The following SAMM50 variants were observed in gnomAD, a reference collection of about 807,000 sequenced individuals.
The protein encoded by SAMM50 is sorting and assembly machinery component 50 homolog.
Under a neutral mutation model 66.9 loss-of-function variants are expected in SAMM50, and 47 were observed. That is an observed-to-expected ratio of 0.70 (90% CI 0.56 to 0.90). The LOEUF is 0.90. Ranked by LOEUF, SAMM50 falls within the 40% of genes least tolerant of loss-of-function variation. The pLI is 0.00. For missense variants in SAMM50, 535 were observed against 595.3 expected (o/e 0.90, Z 1.05); for synonymous variants, 191 against 214.1 (o/e 0.89, Z 0.94).
Position 43,956,002 on chromosome 22 carries a change from G to T in SAMM50, c.21+404G>T, listed in dbSNP as rs1385856720. Among the ~76,000 whole-genome samples the T allele has an allele frequency of 2.0e-5, 3 of 152,182 alleles. No homozygotes were observed. In the South Asian group the frequency reaches 6.2e-4, roughly 32 times the overall value. ...GCTCCTAGAGCAACAAGAATCCTTTGAAGTCTTCTAACTCAAACCTATCTA... is the reference window on the plus strand; with the variant it reads ...GCTCCTAGAGCAACAAGAATCCTTTTAAGTCTTCTAACTCAAACCTATCTA... On this transcript the variant is annotated intron_variant, in intron 1 of 14. Coordinates refer to ENST00000350028, the MANE Select transcript of SAMM50 (RefSeq NM_015380.5).
chr22:43,988,908 T>G (rs1603420357), intron 12 of SAMM50: 6 of 461,148 alleles, frequency 1.3e-5, no homozygotes, highest in Middle Eastern at 1.1e-3. Flanking sequence ...TAAATCAAGG[T>G]GTGAAACAAA....
intron 3 of SAMM50, among the ~76,000 whole-genome samples, chr22:43,968,063 CA>C (rs2050182495): frequency 6.6e-6 from 1 of 150,834 alleles, no homozygotes; most frequent in Admixed American, 6.6e-5. Context: ...GTCTGCTAAA[CA>C]TACAAAAAAA....
chr22:43,994,699 C>T (rs1007681569), intron 14 of SAMM50, among the ~76,000 whole-genome samples: 2 of 152,138 alleles, frequency 1.3e-5, no homozygotes, highest in Admixed American at 6.6e-5. Flanking sequence ...GTGGGGTGCA[C>T]AGCAGAAGGT....
At chr22:43,985,853 A>G (rs1318859631) in intron 12 of SAMM50, among the ~76,000 whole-genome samples, 1 of 151,670 alleles carries the variant, frequency 6.6e-6, no homozygotes, top group African/African-American at 2.4e-5. Context: ...GAGAAAGTTT[A>G]TCATCTTAAT....
intron 14 of SAMM50, among the ~76,000 whole-genome samples, chr22:43,991,467 T>C (rs1487049320): frequency 1.3e-5 from 2 of 151,876 alleles, no homozygotes; most frequent in South Asian, 2.1e-4. Context: ...TTTTACCACA[T>C]TGCCCACCCA....
intron 1 of SAMM50, chr22:43,956,976 C>G: frequency 1.6e-6 from 1 of 639,308 alleles, no homozygotes; most frequent in Non-Finnish European, 2.8e-6. Flanking sequence ...CTCTTCCTGC[C>G]ATCTTGGCTC....
At chr22:43,975,976 T>C in intron 7 of SAMM50, 79 bp from the exon 8 acceptor site, 1 of 1,429,340 alleles carries the variant, frequency 7.0e-7, no homozygotes, top group Non-Finnish European at 9.6e-7. Flanking sequence ...TGTTTCATGA[T>C]GCTTCATTCC....
At chr22:43,972,409 C>T (rs2050208555) in intron 5 of SAMM50, 67 bp downstream of exon 5, 2 of 867,676 alleles carry the variant, frequency 2.3e-6, no homozygotes, top group Admixed American at 2.8e-5. Flanking sequence ...ACTATGACTG[C>T]ATTCTAAAAG....
In SAMM50 at chr22:43,976,754, C is replaced by A; in HGVS notation, c.782C>A (p.Ala261Asp). 1.2e-6 allele frequency: 2 copies of A among 1,610,434 alleles called. No individual in the cohort carries two copies. The highest frequency in any genetic ancestry group is 1.7e-6 in the Non-Finnish European group (2 of 1,177,480). ...GHSLKSSLSH[A>D]MVIDSRNSSI... ...CCCCATTCAAATTTCTTTCAGCACGCCATGGTCATCGATTCTCGGAATTCT... is the reference window on the plus strand; with the variant it reads ...CCCCATTCAAATTTCTTTCAGCACGACATGGTCATCGATTCTCGGAATTCT... The change falls in exon 9 of 15, where the codon GCC becomes GAC. Residue 261 changes from alanine (A) to aspartate (D), a missense_variant. By Grantham distance (126) the Ala-to-Asp change is moderately radical. Transcript: ENST00000350028.
rs760084022 is a variant in SAMM50 at position 43,972,860 on chromosome 22, T to C, written c.430-11T>C. On this transcript the variant is annotated splice_polypyrimidine_tract_variant and intron_variant, in intron 5 of 14. Coordinates refer to ENST00000350028, the MANE Select transcript of SAMM50 (RefSeq NM_015380.5). ...GTAGACCACTGCTATTTTTTTTTTT[T>C]CCCCTCCTAGGTACTTGGCCTCAAG... is the stretch of plus-strand genomic sequence containing the variant. 2.1e-5 allele frequency: 31 copies of C among 1,445,516 alleles called. No individual in the cohort carries two copies. The highest frequency in any genetic ancestry group is 1.7e-4 in the Middle Eastern group (1 of 5,736). The allele number at this position is 1,445,516 out of a possible 1,614,324, so 89.5% of individuals were successfully genotyped here.
Position 43,983,861 on chromosome 22 carries a change from C to CT in SAMM50, c.1008-71dup. 1 of 1,068,588 alleles carries CT rather than the reference C, an allele frequency of 9.4e-7. No individual in the cohort carries two copies. The highest frequency in any genetic ancestry group is 1.4e-6 in the Non-Finnish European group (1 of 711,582). The allele number at this position is 1,068,588 out of a possible 1,614,324, so 66.2% of individuals were successfully genotyped here. On this transcript the variant is annotated intron_variant, in intron 11 of 14. Coordinates refer to ENST00000350028, the MANE Select transcript of SAMM50 (RefSeq NM_015380.5). This position sits in a 1 kb window ranked among gnomAD's most constrained non-coding sequence, Gnocchi z 4.2. ...CGAATGTGAGTCTGACATGTGTTTC[C>CT]TACGCGTTCCGTGTGTCATGTCGTT...
rs191859457 is a variant in SAMM50 at position 43,979,703 on chromosome 22, C to G, written c.937-1688C>G. Among the ~76,000 whole-genome samples the G allele has an allele frequency of 7.7e-4, 117 of 152,160 alleles. 2 individuals are homozygous for G. Among genetic ancestry groups the G allele is most frequent in the Admixed American group, 7.5e-3 (115 of 15,286 alleles). On this transcript the variant is annotated intron_variant, in intron 10 of 14. Transcript: ENST00000350028. ...TGTGTTAGTGTTTCTGAAACACAAG[C>G]CTTACCATATCACTTTCCTACACAA... is the stretch of plus-strand genomic sequence containing the variant.
At chr22:43,994,707 G>A (rs2050343737) in intron 14 of SAMM50, among the ~76,000 whole-genome samples, 1 of 152,196 alleles carries the variant, frequency 6.6e-6, no homozygotes. Context: ...CACAGCAGAA[G>A]GTGGATGTTT....
At position 43,983,612 on chromosome 22, in the gene SAMM50, C is replaced by T. The variant is rs2050275589; in HGVS notation, c.1008-321C>T. On this transcript the variant is annotated intron_variant, in intron 11 of 14. Transcript: ENST00000350028. This position sits in a 1 kb window ranked among gnomAD's most constrained non-coding sequence, Gnocchi z 4.2. ...GGAGGCCCGCCATGAAAAGGAACTG[C>T]GTCATGAATTCTCACAGACAGCTGA... 6.6e-6 allele frequency among the ~76,000 whole-genome samples: 1 copy of T among 152,168 alleles called. No homozygotes were observed. The highest frequency in any genetic ancestry group is 1.5e-5 in the Non-Finnish European group (1 of 68,032).
intron 14 of SAMM50, among the ~76,000 whole-genome samples, chr22:43,994,169 C>T (rs1569037660): frequency 6.6e-6 from 1 of 152,324 alleles, no homozygotes. Context: ...AGAAGACACG[C>T]AGGGACAGTG....
rs757803599 is a variant in SAMM50, at chr22:43,981,440, A to G, written c.986A>G (p.Lys329Arg). 1 of 1,613,476 alleles carries G rather than the reference A, an allele frequency of 6.2e-7. No individual in the cohort carries two copies. Among genetic ancestry groups the G allele is most frequent in the Non-Finnish European group, 8.5e-7 (1 of 1,179,438 alleles). The change falls in exon 11 of 15, where the codon AAG (lysine) becomes AGG (arginine). Residue 329 changes from lysine to arginine, a missense_variant. Physicochemically the swap from Lys to Arg is conservative, Grantham distance 26. Coordinates refer to ENST00000350028, the MANE Select transcript of SAMM50 (RefSeq NM_015380.5). Reference sequence around the variant, plus strand: ...GGAATGTTGGTACCCATTGGTGATAAGCCGTCAAGCATTGCTGATAGGTAA... The same window carrying G: ...GGAATGTTGGTACCCATTGGTGATAGGCCGTCAAGCATTGCTGATAGGTAA... ...WGGMLVPIGD[K>R]PSSIADRFYL...
chr22:43,962,695 G>A (rs1205905493), intron 1 of SAMM50, among the ~76,000 whole-genome samples: 2 of 152,006 alleles, frequency 1.3e-5, no homozygotes, highest in Non-Finnish European at 2.9e-5. Context: ...CTAAAAATTA[G>A]GATGCTTTCT....
At chr22:43,989,422 C>T (rs2050311431) in intron 13 of SAMM50, among the ~76,000 whole-genome samples, 165 bp downstream of exon 13, 1 of 151,226 alleles carries the variant, frequency 6.6e-6, no homozygotes, top group Admixed American at 6.6e-5. Context: ...CTGCAACCTC[C>T]ACCTTCTGGG....
intron 14 of SAMM50, among the ~76,000 whole-genome samples, chr22:43,992,180 C>T (rs559545626): frequency 3.1e-4 from 47 of 152,320 alleles, no homozygotes; most frequent in African/African-American, 1.1e-3. Flanking sequence ...ATCATTTTTA[C>T]TCTCTCCGTC....
Sources: allele counts gnomAD v4.1 joint callset (sites outside exome capture counted in the v4.1 genomes callset), GRCh38; gene constraint gnomAD v4.1.1; non-coding constraint Gnocchi (gnomAD v3.1); transcripts MANE v1.5; gene names NCBI Gene and HGNC (gene_info 2026-07-23, HGNC 2026-07-21).